RIMBP2: variants seen among roughly 807,000 people sequenced by gnomAD.
RIMBP2 encodes RIMS-binding protein 2.
RIMBP2 carries 48 observed loss-of-function variants against 118.6 expected under a neutral mutation model. The observed-to-expected ratio is 0.40, with a 90% CI of 0.32 to 0.51. The LOEUF is 0.51. Among genes scored for constraint, RIMBP2 ranks in the 20% least tolerant of loss-of-function variants. The probability of loss-of-function intolerance (pLI) is 0.41; values close to 1 mark genes in which losing one functional copy is unlikely to be tolerated. For missense variants in RIMBP2, 1,551 were observed against 1,768.3 expected (o/e 0.88, Z 2.20); for synonymous variants, 762 against 742.9 (o/e 1.03, Z -0.42).
chr12:130,700,546 G>A (rs934836979), intron 1 of RIMBP2, among the ~76,000 whole-genome samples: 9 of 152,180 alleles, frequency 5.9e-5, no homozygotes, highest in African/African-American at 1.9e-4. Context: ...ACATAGAGCC[G>A]CAGGAGAAGG....
At chr12:130,408,268 C>T (rs1016709160) in intron 19 of RIMBP2, among the ~76,000 whole-genome samples, 3 of 152,178 alleles carry the variant, frequency 2.0e-5, no homozygotes, top group Admixed American at 6.5e-5. Context: ...ACTATGGTGG[C>T]GCTACAAAAT....
intron 1 of RIMBP2, among the ~76,000 whole-genome samples, chr12:130,662,085 C>T (rs1594164012): frequency 6.6e-6 from 1 of 152,182 alleles, no homozygotes; most frequent in African/African-American, 2.4e-5. Context: ...AGGGGTCACA[C>T]GGACTCCATT....
At chr12:130,657,593 G>A (rs529466454) in intron 1 of RIMBP2, among the ~76,000 whole-genome samples, 14 of 152,210 alleles carry the variant, frequency 9.2e-5, no homozygotes, top group Non-Finnish European at 1.5e-4. Context: ...TCCGTCCAGG[G>A]CACAGGGGAG....
In RIMBP2 at chr12:130,396,595, CGAAAGTA is replaced by C. The variant is rs2074094389; in HGVS notation, c.*759_*765del. On this transcript the variant is annotated 3_prime_UTR_variant, in exon 23 of 23. Transcript: ENST00000690449. ...GTATTTGGGTATGGCATTTTGACAA[CGAAAGTA>C]ACAGAAAACCATATGCCACAGAATA... is the stretch of plus-strand genomic sequence containing the variant. 6.6e-6 allele frequency: 1 copy of C among 152,508 alleles called. No individual in the cohort carries two copies. The highest frequency in any genetic ancestry group is 1.5e-5 in the Non-Finnish European group (1 of 68,024). The allele number at this position is 152,508 out of a possible 1,614,324, so 9.4% of individuals were successfully genotyped here.
At chr12:130,415,578 G>A (rs1456609532) in intron 17 of RIMBP2, among the ~76,000 whole-genome samples, 1 of 152,090 alleles carries the variant, frequency 6.6e-6, no homozygotes, top group South Asian at 2.1e-4. Context: ...GAAATAAAAG[G>A]CATCCATATA....
intron 2 of RIMBP2, among the ~76,000 whole-genome samples, chr12:130,616,043 G>A (rs899438989): frequency 3.9e-5 from 6 of 152,134 alleles, no homozygotes; most frequent in Non-Finnish European, 5.9e-5. Flanking sequence ...TGACGCAGTC[G>A]GATGCACACA....
intron 1 of RIMBP2, among the ~76,000 whole-genome samples, chr12:130,678,587 G>C (rs547452634): frequency 5.3e-4 from 80 of 152,138 alleles, no homozygotes; most frequent in African/African-American, 1.9e-3. Context: ...GCACGATCTC[G>C]GCTCACTGCA....
rs556308970 is a variant in RIMBP2, at chr12:130,529,885, G to A, written c.-216-11968C>T. On this transcript the variant is annotated intron_variant, in intron 2 of 22. Transcript: ENST00000690449. ...TCTCCTATGAGAATCTTATGCCGCC[G>A]CTGATCTGATAGAAGGCAGAGCTCA... 5.9e-5 allele frequency among the ~76,000 whole-genome samples: 9 copies of A among 151,866 alleles called. No individual in the cohort carries two copies. In the South Asian group the frequency reaches 1.5e-3, roughly 25 times the overall value.
intron 2 of RIMBP2, among the ~76,000 whole-genome samples, chr12:130,544,039 A>C (rs566429736): frequency 6.6e-6 from 1 of 152,330 alleles, no homozygotes; most frequent in Admixed American, 6.5e-5. Flanking sequence ...CATTTTAATT[A>C]GATCCCTTGG....
chr12:130,491,531 G>A (rs373063509), intron 4 of RIMBP2, among the ~76,000 whole-genome samples: 2 of 152,204 alleles, frequency 1.3e-5, no homozygotes, highest in Admixed American at 6.5e-5. Context: ...CACGCACACT[G>A]TTCGTGCCTC....
At position 130,450,437 on chromosome 12, in the gene RIMBP2, C is replaced by T. The variant is rs547672033; in HGVS notation, c.505-161G>A. 5.3e-4 allele frequency among the ~76,000 whole-genome samples: 80 copies of T among 152,014 alleles called. No homozygotes were observed. The highest frequency in any genetic ancestry group is 1.8e-3 in the African/African-American group (74 of 41,480). On this transcript the variant is annotated intron_variant, in intron 8 of 22. Transcript: ENST00000690449. This position sits in a 1 kb window ranked among gnomAD's most constrained non-coding sequence, Gnocchi z 4.8. ...GCACTGCCACCCGCACACCCACATG[C>T]GAGCTTGGAAAGGAGGGTGGTCCCT...
chr12:130,649,614 C>T (rs1166204006), intron 1 of RIMBP2, among the ~76,000 whole-genome samples: 1 of 152,170 alleles, frequency 6.6e-6, no homozygotes. Flanking sequence ...ACAGCGCGGG[C>T]CACATAGGAG....
At chr12:130,672,495 T>C (rs1480453843) in intron 1 of RIMBP2, among the ~76,000 whole-genome samples, 2 of 152,226 alleles carry the variant, frequency 1.3e-5, no homozygotes, top group Non-Finnish European at 2.9e-5. Flanking sequence ...ACTTAGGACC[T>C]TGTGTCTCCC....
At chr12:130,468,071 A>T (rs2080663003) in intron 6 of RIMBP2, among the ~76,000 whole-genome samples, 1 of 152,156 alleles carries the variant, frequency 6.6e-6, no homozygotes. Context: ...TTCTCCAAGG[A>T]CACAAACACC....
intron 17 of RIMBP2, among the ~76,000 whole-genome samples, chr12:130,415,194 C>A (rs2076027436): frequency 3.9e-5 from 6 of 152,140 alleles, no homozygotes; most frequent in Admixed American, 3.9e-4. Flanking sequence ...ATCAAAAAGA[C>A]AATTCACCAT....
chr12:130,668,551 G>A lies in RIMBP2; in HGVS notation c.-351-40095C>T, dbSNP rs1169835060. ...CCAGGTCCAGCCCATGCTGAGGTCT[G>A]AGGGGAGTGGGTGGATGAGCAGAAA... On this transcript the variant is annotated intron_variant, in intron 1 of 22. Coordinates refer to ENST00000690449, the MANE Select transcript of RIMBP2 (RefSeq NM_001393629.1). The A allele has an allele frequency of 2.0e-5, 3 of 152,470 alleles. No individual in the cohort carries two copies. The East Asian group carries it at 5.8e-4, about 29-fold the overall frequency. The allele number at this position is 152,470 out of a possible 1,614,324, so 9.4% of individuals were successfully genotyped here. A position where few individuals can be genotyped will look rare whatever the true frequency, so the allele number is the denominator to read the frequency against.
chr12:130,582,653 C>T lies in RIMBP2; in HGVS notation c.-217+45669G>A, dbSNP rs564391159. Among the ~76,000 whole-genome samples the T allele has an allele frequency of 9.8e-5, 15 of 152,306 alleles. No individual in the cohort carries two copies. The East Asian group carries it at 1.7e-3, about 18-fold the overall frequency. On this transcript the variant is annotated intron_variant, in intron 2 of 22. Transcript: ENST00000690449. ...TGATCTAGACCAGTGGTTCTCAAAGCGCCACCAGCATCACCCAGGGCCCTG... is the reference window on the plus strand; with the variant it reads ...TGATCTAGACCAGTGGTTCTCAAAGTGCCACCAGCATCACCCAGGGCCCTG...
At position 130,450,187 on chromosome 12, in the gene RIMBP2, G is replaced by A; in HGVS notation, c.581+13C>T. 1 of 1,588,388 alleles carries A rather than the reference G, an allele frequency of 6.3e-7. No individual in the cohort carries two copies. Among genetic ancestry groups the A allele is most frequent in the Non-Finnish European group, 8.6e-7 (1 of 1,162,872 alleles). ...TCACAGGGGCTCGGTGGACGCCGAG[G>A]GGCCGCACTTACCTATAGCGGGCAA... On this transcript the variant is annotated intron_variant, in intron 9 of 22. Coordinates refer to ENST00000690449, the MANE Select transcript of RIMBP2 (RefSeq NM_001393629.1). The surrounding 1 kb of genome is among the most constrained non-coding windows in gnomAD (Gnocchi z 4.8).
At chr12:130,402,730 G>A (rs1040976941) in intron 21 of RIMBP2, among the ~76,000 whole-genome samples, 15 of 152,256 alleles carry the variant, frequency 9.9e-5, no homozygotes, top group African/African-American at 3.1e-4. Context: ...CACCAAAATC[G>A]ATCCCCTCCC....
Sources: allele counts gnomAD v4.1 joint callset (sites outside exome capture counted in the v4.1 genomes callset), GRCh38; gene constraint gnomAD v4.1.1; non-coding constraint Gnocchi (gnomAD v3.1); transcripts MANE v1.5; gene names NCBI Gene and HGNC (gene_info 2026-07-23, HGNC 2026-07-21).